ALMS1: variants seen among roughly 807,000 people sequenced by gnomAD.
ALMS1 encodes the protein ALMS1 centrosome and basal body associated protein.
A neutral mutation model predicts 352.2 loss-of-function variants in ALMS1; 271 were observed. That is an observed-to-expected ratio of 0.77 (90% CI 0.70 to 0.85). ALMS1 has a LOEUF of 0.85. ALMS1 is among the 40% of genes least tolerant of loss of function. The pLI is 0.00. For missense variants in ALMS1, 5,445 were observed against 4,870.7 expected (o/e 1.12, Z -3.51); for synonymous variants, 1,865 against 1,761.2 (o/e 1.06, Z -1.48).
intron 2 of ALMS1, among the ~76,000 whole-genome samples, chr2:73,409,696 A>G (rs1265689726): frequency 3.9e-5 from 6 of 152,172 alleles, no homozygotes; most frequent in Non-Finnish European, 5.9e-5. Flanking sequence ...AAACAGAACC[A>G]ATAGGTTGGA....
intron 2 of ALMS1, among the ~76,000 whole-genome samples, chr2:73,418,602 G>A (rs1390449601): frequency 6.6e-6 from 1 of 152,202 alleles, no homozygotes; most frequent in Non-Finnish European, 1.5e-5. Context: ...ATGACTCTCT[G>A]CTGACTGGAG....
chr2:73,545,316 G>A (rs1156487748), intron 12 of ALMS1, among the ~76,000 whole-genome samples: 1 of 151,848 alleles, frequency 6.6e-6, no homozygotes, highest in Non-Finnish European at 1.5e-5. Context: ...GAGTAGCTGG[G>A]ATTATAGGCA....
At chr2:73,557,455 T>G (rs775991528) in intron 14 of ALMS1, 101 bp downstream of exon 14, 16 of 1,499,012 alleles carry the variant, frequency 1.1e-5, no homozygotes, top group Non-Finnish European at 1.5e-5. Context: ...TATTTTCTTC[T>G]TGCTGTCTTC....
intron 11 of ALMS1, among the ~76,000 whole-genome samples, chr2:73,523,730 G>A (rs1673732180): frequency 6.6e-6 from 1 of 151,830 alleles, no homozygotes; most frequent in Non-Finnish European, 1.5e-5. Flanking sequence ...TCGTGCCAGT[G>A]CACTCCAGCC....
intron 20 of ALMS1, 112 bp downstream of exon 20, chr2:73,602,480 T>C (rs564643559): frequency 1.0e-4 from 135 of 1,322,034 alleles, no homozygotes; most frequent in Admixed American, 4.0e-4. Flanking sequence ...GGGCAGACAG[T>C]GACCTTTTGC....
At chr2:73,432,338 G>C (rs771010537) in intron 7 of ALMS1, 47 bp downstream of exon 7, 34 of 1,384,210 alleles carry the variant, frequency 2.5e-5, no homozygotes, top group Non-Finnish European at 3.1e-6. Flanking sequence ...CGGATACCTT[G>C]TGAAAAAATA....
intron 12 of ALMS1, among the ~76,000 whole-genome samples, chr2:73,546,201 CTACTT>C (rs2104024224): frequency 6.6e-6 from 1 of 152,304 alleles, no homozygotes; most frequent in South Asian, 2.1e-4. Flanking sequence ...AAATGTATCT[CTACTT>C]TAGTGAAAAA....
At chr2:73,473,187 T>C (rs978643393) in intron 9 of ALMS1, among the ~76,000 whole-genome samples, 47 of 152,030 alleles carry the variant, frequency 3.1e-4, no homozygotes, top group Admixed American at 2.9e-3. Context: ...GGCTAAGATA[T>C]AGTTGTAAAC....
chr2:73,485,010 T>G (rs2103876271), intron 9 of ALMS1, among the ~76,000 whole-genome samples: 1 of 152,256 alleles, frequency 6.6e-6, no homozygotes, highest in South Asian at 2.1e-4. Context: ...CTTCTTTGCC[T>G]TTGGTTTGAA....
intron 1 of ALMS1, among the ~76,000 whole-genome samples, chr2:73,399,053 A>G (rs566664195): frequency 1.3e-5 from 2 of 151,954 alleles, no homozygotes; most frequent in African/African-American, 4.8e-5. Context: ...GAGTTTCACT[A>G]TGTTGGCCAG....
At chr2:73,586,997 GTTT>G (rs879888816) in intron 16 of ALMS1, among the ~76,000 whole-genome samples, 21 of 143,510 alleles carry the variant, frequency 1.5e-4, no homozygotes, top group African/African-American at 4.5e-4. Flanking sequence ...AAGGTTTTGT[GTTT>G]TTTTTTGTTT....
intron 7 of ALMS1, among the ~76,000 whole-genome samples, chr2:73,443,328 T>G (rs570109143): frequency 6.6e-6 from 1 of 152,222 alleles, no homozygotes; most frequent in South Asian, 2.1e-4. Context: ...CTAGACCCTC[T>G]TGTCTCCTTG....
At chr2:73,534,710 C>A in intron 11 of ALMS1, 114 bp from the exon 12 acceptor site, 2 of 1,091,206 alleles carry the variant, frequency 1.8e-6, no homozygotes, top group Non-Finnish European at 2.7e-6. Flanking sequence ...TCTTTGTTTA[C>A]TCATAAATTC....
chr2:73,477,024 T>C (rs761371698), intron 9 of ALMS1, among the ~76,000 whole-genome samples: 28 of 152,134 alleles, frequency 1.8e-4, no homozygotes, highest in Admixed American at 3.9e-4. Context: ...TGAAGACTTA[T>C]TGTACATGAT....
intron 4 of ALMS1, among the ~76,000 whole-genome samples, chr2:73,423,686 A>G (rs1255150554): frequency 3.3e-5 from 5 of 152,176 alleles, no homozygotes; most frequent in Non-Finnish European, 5.9e-5. Context: ...TGATCTATAC[A>G]CATTAGATCA....
chr2:73,571,811 T>G (rs1449141094), intron 15 of ALMS1, among the ~76,000 whole-genome samples: 1 of 152,098 alleles, frequency 6.6e-6, no homozygotes, highest in East Asian at 1.9e-4. Context: ...TTTTAAAAAA[T>G]TTATCCATTT....
intron 3 of ALMS1, among the ~76,000 whole-genome samples, chr2:73,419,923 A>G (rs956938018): frequency 6.6e-6 from 1 of 152,252 alleles, no homozygotes. Context: ...GTAGAGAAGC[A>G]TGAATAGAAC....
chr2:73,385,993 T>A lies in ALMS1; in HGVS notation c.125T>A (p.Val42Asp), dbSNP rs1337322908. 4.5e-6 allele frequency: 7 copies of A among 1,553,044 alleles called. No homozygotes were observed. Among genetic ancestry groups the A allele is most frequent in the East Asian group, 4.9e-5 (2 of 40,870 alleles). ...GCGGCGAACGTGGACGACGTAGTGG[T>A]CGTGGAGGAGGTGGAGGAAGAGGCG... is the stretch of plus-strand genomic sequence containing the variant. ...AAAANVDDVVVVEEVEEEAGR... is the reference protein window; with the variant it reads ...AAAANVDDVVDVEEVEEEAGR... Residue 42 changes from valine (V) to aspartate (D), a missense_variant, in exon 1 of 23, where the codon GTC (valine) becomes GAC (aspartate). Transcript: ENST00000613296.
At chr2:73,551,582 C>A (rs993865225) in intron 13 of ALMS1, among the ~76,000 whole-genome samples, 4 of 151,494 alleles carry the variant, frequency 2.6e-5, no homozygotes, top group African/African-American at 9.7e-5. Flanking sequence ...TTACAGGCAC[C>A]CGCCTCCACA....
Sources: gnomAD v4.1 joint callset for allele counts (sites outside exome capture counted in the v4.1 genomes callset) on GRCh38, gnomAD v4.1.1 for gene constraint, MANE v1.5 for transcripts, NCBI Gene and HGNC (gene_info 2026-07-23, HGNC 2026-07-21) for gene names.